Variants in DOCK4 observed in about 807,000 individuals in gnomAD.
DOCK4 encodes dedicator of cytokinesis protein 4.
A neutral mutation model predicts 268.1 loss-of-function variants in DOCK4; 97 were observed. The observed-to-expected ratio is 0.36, with a 90% CI of 0.31 to 0.43. The LOEUF is 0.43. Ranked by LOEUF, DOCK4 falls within the 20% of genes least tolerant of loss-of-function variation. The probability of loss-of-function intolerance (pLI) is 1.00; values close to 1 mark genes in which losing one functional copy is unlikely to be tolerated. For synonymous variants in DOCK4, 954 were observed against 887.2 expected (o/e 1.08, Z -1.34); for missense variants, 2,145 against 2,455.7 (o/e 0.87, Z 2.67).
chr7:112,187,705 A>T (rs2116757323), intron 1 of DOCK4, among the ~76,000 whole-genome samples: 1 of 152,298 alleles, frequency 6.6e-6, no homozygotes, highest in African/African-American at 2.4e-5. Context: ...TAATAGTCAT[A>T]ATTTTTTCCA....
At chr7:112,086,121 A>G (rs1402868170) in intron 1 of DOCK4, among the ~76,000 whole-genome samples, 1 of 152,168 alleles carries the variant, frequency 6.6e-6, no homozygotes, top group Non-Finnish European at 1.5e-5. Flanking sequence ...TACAGGAAAA[A>G]GAAAGATCAG....
chr7:112,155,275 T>C (rs1204765614), intron 1 of DOCK4, among the ~76,000 whole-genome samples: 1 of 152,162 alleles, frequency 6.6e-6, no homozygotes, highest in Non-Finnish European at 1.5e-5. Context: ...AAGAAGTCCT[T>C]AGTCTATTCC....
chr7:112,049,819 C>G (rs1444050692), intron 1 of DOCK4, among the ~76,000 whole-genome samples: 1 of 152,082 alleles, frequency 6.6e-6, no homozygotes, highest in African/African-American at 2.4e-5. Flanking sequence ...TATTTATGTA[C>G]CTAAAAACAG....
At chr7:111,941,071 G>T (rs2134769954) in intron 10 of DOCK4, among the ~76,000 whole-genome samples, 1 of 152,238 alleles carries the variant, frequency 6.6e-6, no homozygotes, top group South Asian at 2.1e-4. Context: ...GAAAAAATGG[G>T]ATGACAATAT....
intron 28 of DOCK4, among the ~76,000 whole-genome samples, chr7:111,811,136 A>C (rs530060922): frequency 6.6e-6 from 1 of 152,384 alleles, no homozygotes; most frequent in Non-Finnish European, 1.5e-5. Flanking sequence ...TGAAATTTTG[A>C]TATACTATAA....
chr7:111,739,189 G>A lies in DOCK4; in HGVS notation c.5177C>T (p.Ser1726Leu), dbSNP rs779750390. The change falls in exon 49 of 53, where the codon TCA (serine) becomes TTA (leucine). Residue 1726 changes from serine (S) to leucine (L), a missense_variant. By Grantham distance (145) the Ser-to-Leu change is moderately radical (BLOSUM62 -2). Coordinates refer to ENST00000428084, the MANE Select transcript of DOCK4 (RefSeq NM_001363540.2). ...HKHSRENSCL[S>L]PRERPCSAIY... ...GGCACTGCATGGTCTCTCTCTTGGT[G>A]ACAGGCAAGAGTTTTCTCGGGAATG... 6 of 1,614,046 alleles carry A rather than the reference G, an allele frequency of 3.7e-6. No homozygotes were observed. Among genetic ancestry groups the A allele is most frequent in the Non-Finnish European group, 5.1e-6 (6 of 1,179,890 alleles).
intron 1 of DOCK4, among the ~76,000 whole-genome samples, chr7:112,034,542 T>C (rs1803570463): frequency 6.6e-6 from 1 of 152,348 alleles, no homozygotes; most frequent in South Asian, 2.1e-4. Context: ...TCCAAGATAC[T>C]AAGCAGAGTT....
At chr7:112,013,643 C>T (rs183885776) in intron 1 of DOCK4, among the ~76,000 whole-genome samples, 15 of 152,318 alleles carry the variant, frequency 9.8e-5, no homozygotes, top group East Asian at 5.8e-4. Context: ...TTCAAAACAA[C>T]GCAAGCATCC....
Position 111,746,438 on chromosome 7 carries a change from C to CAGTCT in DOCK4, c.4594-26_4594-22dup, listed in dbSNP as rs762337922. ...AATGCCTAGTAAGGGAAAGGAGAAT[C>CAGTCT]AGTCTACTTTAGTGGAGTACAAGGC... On this transcript the variant is annotated intron_variant, in intron 43 of 52. Transcript: ENST00000428084. The CAGTCT allele has an allele frequency of 6.0e-5, 93 of 1,547,304 alleles. 1 individual carries two copies. In the African/African-American group the frequency reaches 1.3e-3, roughly 21 times the overall value.
chr7:112,183,296 C>T lies in DOCK4; in HGVS notation c.37+22806G>A, dbSNP rs774848473. Reference sequence around the variant, plus strand: ...AATAGGAGGGGGAGAACTGTGAGCTCTTAACAAAGATACTATCAACAAAAG... The same window carrying T: ...AATAGGAGGGGGAGAACTGTGAGCTTTTAACAAAGATACTATCAACAAAAG... On this transcript the variant is annotated intron_variant, in intron 1 of 52. Transcript: ENST00000428084. Among the ~76,000 whole-genome samples the T allele has an allele frequency of 3.9e-4, 59 of 152,100 alleles. 1 individual carries two copies. The highest frequency in any genetic ancestry group is 3.9e-4 in the Admixed American group (6 of 15,274).
intron 1 of DOCK4, among the ~76,000 whole-genome samples, chr7:112,184,703 T>G (rs2116729042): frequency 6.6e-6 from 1 of 152,188 alleles, no homozygotes; most frequent in East Asian, 1.9e-4. Context: ...TTCCCAGAAG[T>G]GTGAGCTAAG....
At chr7:111,746,907 G>C (rs550239404) in intron 43 of DOCK4, among the ~76,000 whole-genome samples, 1 of 149,546 alleles carries the variant, frequency 6.7e-6, no homozygotes, top group Non-Finnish European at 1.5e-5. Context: ...GGGATTACAG[G>C]TGTGAGCCAC....
chr7:111,989,256 T>C, intron 5 of DOCK4, 93 bp from the exon 6 acceptor site: 3 of 1,531,432 alleles, frequency 2.0e-6, no homozygotes, highest in South Asian at 1.2e-5. Flanking sequence ...CCATTCTGGT[T>C]ACCCACTATG....
At chr7:111,930,110 C>T (rs1197946621) in intron 12 of DOCK4, among the ~76,000 whole-genome samples, 1 of 152,204 alleles carries the variant, frequency 6.6e-6, no homozygotes. Context: ...TTTAGAATTT[C>T]AAATTCTCAC....
intron 10 of DOCK4, among the ~76,000 whole-genome samples, chr7:111,942,232 CTA>C (rs1347051610): frequency 6.6e-6 from 1 of 152,212 alleles, no homozygotes; most frequent in South Asian, 2.1e-4. Flanking sequence ...AGATATAAAA[CTA>C]TTAATTTCTC....
chr7:111,836,945 G>A (rs1200263265), intron 25 of DOCK4, among the ~76,000 whole-genome samples: 1 of 151,960 alleles, frequency 6.6e-6, no homozygotes, highest in Non-Finnish European at 1.5e-5. Flanking sequence ...CAGAGAGAAG[G>A]AAGAGACAGA....
At chr7:111,838,932 G>A (rs1803456915) in intron 25 of DOCK4, among the ~76,000 whole-genome samples, 1 of 152,206 alleles carries the variant, frequency 6.6e-6, no homozygotes, top group South Asian at 2.1e-4. Context: ...ATGGCACTAT[G>A]TGTAAATTAC....
intron 1 of DOCK4, among the ~76,000 whole-genome samples, chr7:112,163,669 A>G (rs1586952747): frequency 6.6e-6 from 1 of 152,366 alleles, no homozygotes; most frequent in East Asian, 1.9e-4. Flanking sequence ...GATTAATTTA[A>G]TAGTCATAAT....
At chr7:111,937,480 G>A (rs527689781) in intron 11 of DOCK4, among the ~76,000 whole-genome samples, 38 of 152,288 alleles carry the variant, frequency 2.5e-4, no homozygotes, top group African/African-American at 8.9e-4. Context: ...TTGTCTTCAT[G>A]AGTGTGACTG....
Sources: allele counts gnomAD v4.1 joint callset (sites outside exome capture counted in the v4.1 genomes callset), GRCh38; gene constraint gnomAD v4.1.1; transcripts MANE v1.5; gene names NCBI Gene and HGNC (gene_info 2026-07-23, HGNC 2026-07-21).